The following FAM110B variants were observed in gnomAD, a reference collection of about 807,000 sequenced individuals.
FAM110B encodes the protein protein FAM110B.
Under a neutral mutation model 20.4 loss-of-function variants are expected in FAM110B, and 6 were observed. That is an observed-to-expected ratio of 0.29 (90% CI 0.16 to 0.58). The LOEUF (loss-of-function observed/expected upper bound fraction) is 0.58. FAM110B is among the 20% of genes least tolerant of loss of function. The pLI is 0.90. For missense variants in FAM110B, 434 were observed against 498.2 expected (o/e 0.87, Z 1.23); for synonymous variants, 226 against 214.1 (o/e 1.06, Z -0.49).
chr8:58,107,691 CATCAGATCCTGTGCT>C (rs1035187496), intron 3 of FAM110B, among the ~76,000 whole-genome samples: 1 of 152,192 alleles, frequency 6.6e-6, no homozygotes, highest in African/African-American at 2.4e-5. Context: ...ATTTTTAATG[CATCAGATCCTGTGCT>C]ATGGTCTGTG....
chr8:58,012,428 A>T (rs1804557125), intron 1 of FAM110B, among the ~76,000 whole-genome samples: 1 of 152,064 alleles, frequency 6.6e-6, no homozygotes, highest in Non-Finnish European at 1.5e-5. Context: ...TAAATGTCTA[A>T]ATCAGGAGTG....
At position 58,146,399 on chromosome 8, in the gene FAM110B, G is replaced by C; in HGVS notation, c.169G>C (p.Asp57His). Reference sequence around the variant, plus strand: ...CAGCGCCGTGGAGAGGCTGGAGGCCGACAAGGCCAAGTACGTCAAGAGCCA... The same window carrying C: ...CAGCGCCGTGGAGAGGCTGGAGGCCCACAAGGCCAAGTACGTCAAGAGCCA... ...RLSAVERLEA[D>H]KAKYVKSQEV... The change falls in exon 4 of 4, where the codon GAC (aspartate) becomes CAC (histidine). Residue 57 changes from aspartate to histidine, a missense_variant. This residue lies in a region of FAM110B where 56 missense variants were observed against 82.1 expected (regional missense o/e 0.68). Coordinates refer to ENST00000519262, the MANE Select transcript of FAM110B (RefSeq NM_001377989.1). 1 of 1,613,996 alleles carries C rather than the reference G, an allele frequency of 6.2e-7. No individual in the cohort carries two copies. The highest frequency in any genetic ancestry group is 8.5e-7 in the Non-Finnish European group (1 of 1,179,968).
chr8:58,145,331 T>A (rs890076147), intron 3 of FAM110B, among the ~76,000 whole-genome samples: 16 of 148,424 alleles, frequency 1.1e-4, no homozygotes, highest in African/African-American at 2.0e-4. Flanking sequence ...TTTTTTTTTT[T>A]AAACTTTGTA....
At chr8:58,025,158 A>G (rs1442585699) in intron 1 of FAM110B, among the ~76,000 whole-genome samples, 1 of 152,226 alleles carries the variant, frequency 6.6e-6, no homozygotes. Flanking sequence ...AGATACAGCT[A>G]TAACTAACCT....
At chr8:58,029,910 A>C (rs77799802) in intron 1 of FAM110B, among the ~76,000 whole-genome samples, 4,238 of 152,244 alleles carry the variant, frequency 0.028, 195 homozygotes, top group African/African-American at 0.095. Context: ...TGACTTTTCT[A>C]TCTGTGAATT....
chr8:58,095,880 C>A (rs1291952023), intron 3 of FAM110B, among the ~76,000 whole-genome samples: 1 of 152,130 alleles, frequency 6.6e-6, no homozygotes, highest in Non-Finnish European at 1.5e-5. Flanking sequence ...GTCTAAGTCT[C>A]TTTGTAGGTC....
At chr8:58,049,725 A>G (rs1480057579) in intron 2 of FAM110B, among the ~76,000 whole-genome samples, 1 of 152,240 alleles carries the variant, frequency 6.6e-6, no homozygotes. Context: ...TCTGCAGAAC[A>G]AGGGCTGAAT....
chr8:58,056,696 G>C (rs1010140040), intron 2 of FAM110B, among the ~76,000 whole-genome samples: 3 of 152,154 alleles, frequency 2.0e-5, no homozygotes, highest in Admixed American at 2.0e-4. Flanking sequence ...AAATTTCAGC[G>C]TTTCTTTCTG....
In FAM110B at chr8:58,042,643, C is replaced by T. The variant is rs184010961; in HGVS notation, c.-414+10940C>T. ...TGCCAGCATTTTATGAGTAGGACTG[C>T]GCTTTTCTAGAATTGCTAGATGTAG... is the stretch of plus-strand genomic sequence containing the variant. On this transcript the variant is annotated intron_variant, in intron 2 of 3. Coordinates refer to ENST00000519262, the MANE Select transcript of FAM110B (RefSeq NM_001377989.1). Among the ~76,000 whole-genome samples, 89 of 152,244 alleles carry T rather than the reference C, an allele frequency of 5.8e-4. No homozygotes were observed. In the Middle Eastern group the frequency reaches 0.01, roughly 17 times the overall value.
At chr8:58,090,098 G>A (rs1806436543) in intron 3 of FAM110B, among the ~76,000 whole-genome samples, 1 of 152,146 alleles carries the variant, frequency 6.6e-6, no homozygotes, top group Admixed American at 6.5e-5. Context: ...AAGATGATGA[G>A]AATGAAGACC....
intron 3 of FAM110B, among the ~76,000 whole-genome samples, chr8:58,136,858 A>T (rs1453576657): frequency 6.6e-6 from 1 of 152,252 alleles, no homozygotes; most frequent in African/African-American, 2.4e-5. Context: ...TTACAAATGA[A>T]AATGAAGCAT....
chr8:58,118,222 C>G (rs1178844384), intron 3 of FAM110B, among the ~76,000 whole-genome samples: 1 of 152,174 alleles, frequency 6.6e-6, no homozygotes, highest in Non-Finnish European at 1.5e-5. Context: ...TGACCTTGTT[C>G]TGTGACATTA....
At chr8:58,090,620 A>G (rs35134040) in intron 3 of FAM110B, among the ~76,000 whole-genome samples, 24,924 of 152,210 alleles carry the variant, frequency 0.16, 2,419 homozygotes, top group African/African-American at 0.26. Context: ...AGTTCTACTC[A>G]GATTTTCAAC....
intron 3 of FAM110B, chr8:58,101,067 C>G (rs927405326): frequency 6.6e-6 from 1 of 151,868 alleles, no homozygotes; most frequent in Non-Finnish European, 1.5e-5. Flanking sequence ...ATCTCAGCTA[C>G]TAGGGAGGCT....
intron 2 of FAM110B, among the ~76,000 whole-genome samples, chr8:58,045,896 C>A (rs1208233342): frequency 6.6e-6 from 1 of 152,098 alleles, no homozygotes; most frequent in Admixed American, 6.5e-5. Flanking sequence ...AGATCAAGGC[C>A]CCAGCAGAGT....
At chr8:58,057,132 A>T (rs1276553351) in intron 2 of FAM110B, among the ~76,000 whole-genome samples, 2 of 152,136 alleles carry the variant, frequency 1.3e-5, no homozygotes, top group Non-Finnish European at 2.9e-5. Flanking sequence ...ACAACAGCAC[A>T]CTCAGCTGGG....
chr8:58,038,562 G>A (rs771833872), intron 2 of FAM110B, among the ~76,000 whole-genome samples: 3 of 152,146 alleles, frequency 2.0e-5, no homozygotes, highest in Non-Finnish European at 4.4e-5. Flanking sequence ...GACCGGCCTG[G>A]CCAACATGGT....
At chr8:58,010,318 G>A (rs76495051) in intron 1 of FAM110B, among the ~76,000 whole-genome samples, 2,988 of 151,946 alleles carry the variant, frequency 0.02, 104 homozygotes, top group African/African-American at 0.067. Context: ...CACCATGCCC[G>A]GTCTCGTTTC....
At chr8:58,144,798 G>A (rs183390446) in intron 3 of FAM110B, among the ~76,000 whole-genome samples, 1 of 152,334 alleles carries the variant, frequency 6.6e-6, no homozygotes, top group Non-Finnish European at 1.5e-5. Flanking sequence ...TGCAGTAACA[G>A]GCTATGGGAG....
Sources: allele counts gnomAD v4.1 joint callset (sites outside exome capture counted in the v4.1 genomes callset), GRCh38; gene constraint gnomAD v4.1.1; regional missense constraint gnomAD v4.1.1; transcripts MANE v1.5; gene names NCBI Gene and HGNC (gene_info 2026-07-23, HGNC 2026-07-21).